Variants in SEMA6D observed in about 807,000 individuals in gnomAD.
SEMA6D encodes the protein semaphorin-6D.
Under a neutral mutation model 106.6 loss-of-function variants are expected in SEMA6D, and 35 were observed. That is an observed-to-expected ratio of 0.33 (90% confidence interval 0.25 to 0.44). The LOEUF (loss-of-function observed/expected upper bound fraction) is 0.44. Among genes scored for constraint, SEMA6D ranks in the 20% least tolerant of loss-of-function variants. The pLI is 1.00. For synonymous variants in SEMA6D, 499 were observed against 487.7 expected, an observed-to-expected ratio of 1.02 and a Z score of -0.31; for missense variants, 1,185 against 1,345.9, an observed-to-expected ratio of 0.88 and a Z score of 1.87.
At chr15:47,384,810 T>C (rs996399142) in intron 1 of SEMA6D, among the ~76,000 whole-genome samples, 4 of 132,260 alleles carry the variant, frequency 3.0e-5, no homozygotes, top group African/African-American at 1.1e-4. Context: ...ATTTGATTAC[T>C]AAAGTTTTTT....
At chr15:47,645,304 C>A (rs572798129) in intron 4 of SEMA6D, among the ~76,000 whole-genome samples, 4 of 152,274 alleles carry the variant, frequency 2.6e-5, no homozygotes, top group African/African-American at 9.6e-5. Context: ...GCACAGGCCA[C>A]CATGGGTATT....
intron 3 of SEMA6D, among the ~76,000 whole-genome samples, chr15:47,512,051 A>T (rs2044250775): frequency 6.6e-6 from 1 of 152,188 alleles, no homozygotes; most frequent in Admixed American, 6.5e-5. Flanking sequence ...TTTAGGTTGT[A>T]ATTAAAGTTT....
At chr15:47,232,213 C>G (rs535615215) in intron 1 of SEMA6D, among the ~76,000 whole-genome samples, 3 of 152,058 alleles carry the variant, frequency 2.0e-5, no homozygotes, top group African/African-American at 7.2e-5. Context: ...GCATCATATT[C>G]CACTGTAAGG....
intron 4 of SEMA6D, among the ~76,000 whole-genome samples, chr15:47,616,164 CT>C (rs56275598): frequency 0.15 from 21,769 of 146,322 alleles, 1,710 homozygotes; most frequent in East Asian, 0.22. Flanking sequence ...GACTTAAAAT[CT>C]TTTTTTTTTT....
intron 3 of SEMA6D, among the ~76,000 whole-genome samples, chr15:47,518,489 T>C (rs1412215196): frequency 2.0e-5 from 3 of 152,232 alleles, no homozygotes; most frequent in Non-Finnish European, 4.4e-5. Context: ...AATGTACTTA[T>C]ACCAATCTAA....
At chr15:47,496,888 C>T (rs925166414) in intron 3 of SEMA6D, among the ~76,000 whole-genome samples, 3 of 152,028 alleles carry the variant, frequency 2.0e-5, no homozygotes, top group Admixed American at 6.6e-5. Context: ...TTGAGAAAGC[C>T]TTCAAAAATG....
intron 1 of SEMA6D, among the ~76,000 whole-genome samples, chr15:47,247,300 T>A (rs1231336768): frequency 6.6e-6 from 1 of 152,046 alleles, no homozygotes; most frequent in Non-Finnish European, 1.5e-5. Flanking sequence ...TTCATCTGAA[T>A]CCTGAAGCAC....
At chr15:47,751,056 T>C (rs2147329586) in intron 1 of SEMA6D, among the ~76,000 whole-genome samples, 1 of 152,242 alleles carries the variant, frequency 6.6e-6, no homozygotes, top group East Asian at 1.9e-4. Context: ...TCTGTATATA[T>C]AGTGATGATT....
chr15:47,258,179 C>A (rs1488360650), intron 1 of SEMA6D, among the ~76,000 whole-genome samples: 6 of 152,118 alleles, frequency 3.9e-5, no homozygotes, highest in Admixed American at 3.9e-4. Flanking sequence ...TTGTTAGCAG[C>A]ATATAGTTAT....
chr15:47,353,518 G>A (rs1054979397), intron 1 of SEMA6D, among the ~76,000 whole-genome samples: 6 of 152,216 alleles, frequency 3.9e-5, no homozygotes, highest in East Asian at 1.9e-4. Flanking sequence ...AAGGTCATAC[G>A]TTACCTTCTT....
chr15:47,400,976 T>C (rs1332451896), intron 1 of SEMA6D, among the ~76,000 whole-genome samples: 1 of 152,228 alleles, frequency 6.6e-6, no homozygotes, highest in East Asian at 1.9e-4. Flanking sequence ...TGAATCCCAC[T>C]GCTGTCAATT....
chr15:47,244,912 A>C (rs985062672), intron 1 of SEMA6D, among the ~76,000 whole-genome samples: 1 of 152,134 alleles, frequency 6.6e-6, no homozygotes, highest in Non-Finnish European at 1.5e-5. Flanking sequence ...TGAGTACCCA[A>C]TGTTTAGCTC....
At chr15:47,267,043 G>T (rs1037293849) in intron 1 of SEMA6D, among the ~76,000 whole-genome samples, 1 of 151,998 alleles carries the variant, frequency 6.6e-6, no homozygotes, top group African/African-American at 2.4e-5. Context: ...TAATTCTACC[G>T]GGGCTTTCTT....
At chr15:47,214,643 T>C (rs2030384857) in intron 1 of SEMA6D, among the ~76,000 whole-genome samples, 1 of 152,286 alleles carries the variant, frequency 6.6e-6, no homozygotes, top group Admixed American at 6.5e-5. Flanking sequence ...CGTTAGAAAT[T>C]CTCTTTGGAC....
intron 4 of SEMA6D, among the ~76,000 whole-genome samples, chr15:47,633,576 G>C (rs964841425): frequency 6.6e-6 from 1 of 152,088 alleles, no homozygotes; most frequent in African/African-American, 2.4e-5. Flanking sequence ...TCAGTTTTCA[G>C]AAGTTGAATT....
intron 3 of SEMA6D, among the ~76,000 whole-genome samples, chr15:47,482,106 C>G (rs984348980): frequency 2.2e-4 from 33 of 152,070 alleles, no homozygotes; most frequent in African/African-American, 7.7e-4. Flanking sequence ...GATTAAGTCT[C>G]TAAGGATGGG....
At chr15:47,238,028 TTTA>T (rs2032665420) in intron 1 of SEMA6D, among the ~76,000 whole-genome samples, 1 of 152,030 alleles carries the variant, frequency 6.6e-6, no homozygotes, top group Non-Finnish European at 1.5e-5. Context: ...CAAGTGCGCA[TTTA>T]TTGATAATGA....
At chr15:47,689,247 T>A (rs1464464692) in intron 4 of SEMA6D, among the ~76,000 whole-genome samples, 1 of 152,234 alleles carries the variant, frequency 6.6e-6, no homozygotes, top group African/African-American at 2.4e-5. Context: ...CCCTTTGAAT[T>A]TCATTTTTAT....
At chr15:47,626,784 A>G (rs1017486827) in intron 4 of SEMA6D, among the ~76,000 whole-genome samples, 2 of 152,160 alleles carry the variant, frequency 1.3e-5, no homozygotes, top group African/African-American at 4.8e-5. Context: ...AGCAAGTAAA[A>G]TGAAGTCAGC....
Sources: gnomAD v4.1 joint callset for allele counts (sites outside exome capture counted in the v4.1 genomes callset) on GRCh38, gnomAD v4.1.1 for gene constraint, MANE v1.5 for transcripts, NCBI Gene and HGNC (gene_info 2026-07-23, HGNC 2026-07-21) for gene names.